NRG2: variants seen among roughly 807,000 people sequenced by gnomAD.
NRG2 encodes pro-neuregulin-2, membrane-bound isoform.
In NRG2, 27 loss-of-function variants were observed where a neutral mutation model predicts 73.9. That is an observed-to-expected ratio of 0.37 (90% CI 0.27 to 0.50). The LOEUF (loss-of-function observed/expected upper bound fraction) is 0.50. Among genes scored for constraint, NRG2 ranks in the 20% least tolerant of loss-of-function variants. The pLI is 0.96. For synonymous variants in NRG2, 532 were observed against 541.0 expected, an observed-to-expected ratio of 0.98 and a Z score of 0.23; for missense variants, 1,126 against 1,210.1, an observed-to-expected ratio of 0.93 and a Z score of 1.03.
intron 1 of NRG2, among the ~76,000 whole-genome samples, chr5:139,932,892 T>C (rs1752580054): frequency 6.6e-6 from 1 of 152,036 alleles, no homozygotes; most frequent in South Asian, 2.1e-4. Context: ...AGTATTTATT[T>C]AAAAATTTTA....
At chr5:139,967,093 G>T (rs1330987174) in intron 1 of NRG2, among the ~76,000 whole-genome samples, 1 of 152,192 alleles carries the variant, frequency 6.6e-6, no homozygotes, top group Non-Finnish European at 1.5e-5. Flanking sequence ...CACATGTGAG[G>T]AGTCTCCACA....
chr5:139,852,370 G>A lies in NRG2; in HGVS notation c.1544+62C>T. On this transcript the variant is annotated intron_variant, in intron 8 of 9. Transcript: ENST00000361474. This position sits in a 1 kb window ranked among gnomAD's most constrained non-coding sequence, Gnocchi z 4.4. Reference sequence around the variant, plus strand: ...TAGCTCTGGATGTCGGAGTAAGTGGGCACTTTGCGCCAGATGAAGTATGTG... The same window carrying A: ...TAGCTCTGGATGTCGGAGTAAGTGGACACTTTGCGCCAGATGAAGTATGTG... The A allele has an allele frequency of 6.3e-7, 1 of 1,577,268 alleles. No homozygotes were observed. The highest frequency in any genetic ancestry group is 8.6e-7 in the Non-Finnish European group (1 of 1,161,484).
chr5:140,026,871 T>C (rs1457627616), intron 1 of NRG2, among the ~76,000 whole-genome samples: 1 of 152,152 alleles, frequency 6.6e-6, no homozygotes, highest in Admixed American at 6.5e-5. Flanking sequence ...CAAGAAGATA[T>C]TGAGCTCAGT....
intron 1 of NRG2, among the ~76,000 whole-genome samples, chr5:139,923,205 G>A (rs1751809201): frequency 6.6e-6 from 1 of 152,168 alleles, no homozygotes; most frequent in South Asian, 2.1e-4. Context: ...GTGGGACAGG[G>A]AGGGTGTGGG....
intron 1 of NRG2, among the ~76,000 whole-genome samples, chr5:140,036,806 C>T (rs983499744): frequency 2.0e-5 from 3 of 152,270 alleles, no homozygotes; most frequent in East Asian, 3.9e-4. Flanking sequence ...AAAGAAAGAT[C>T]TAAGAACAAG....
chr5:139,973,829 C>A (rs1441964219), intron 1 of NRG2, among the ~76,000 whole-genome samples: 2 of 152,090 alleles, frequency 1.3e-5, no homozygotes, highest in Non-Finnish European at 2.9e-5. Flanking sequence ...CACAACGCGG[C>A]CTCACATACT....
At chr5:139,935,117 G>A (rs957688403) in intron 1 of NRG2, among the ~76,000 whole-genome samples, 18 of 152,094 alleles carry the variant, frequency 1.2e-4, no homozygotes, top group Middle Eastern at 3.2e-3. Context: ...GCAGTGAGCC[G>A]AGATCATGCC....
At chr5:139,933,050 G>A (rs535059698) in intron 1 of NRG2, among the ~76,000 whole-genome samples, 2 of 152,130 alleles carry the variant, frequency 1.3e-5, no homozygotes, top group Admixed American at 6.5e-5. Context: ...CAAGGTGGGC[G>A]GATCACTTGA....
At position 139,936,194 on chromosome 5, in the gene NRG2, T is replaced by C. The variant is rs140180123; in HGVS notation, c.701-48683A>G. On this transcript the variant is annotated intron_variant, in intron 1 of 9. Transcript: ENST00000361474. ...ATAATGAAATAAGCAAGAAAATAAA[T>C]GAAATAGAGACACAAAAATAATAGA... Among the ~76,000 whole-genome samples the C allele has an allele frequency of 4.0e-3, 598 of 151,284 alleles. 3 individuals carry two copies. Among genetic ancestry groups the C allele is most frequent in the African/African-American group, 0.014 (560 of 41,232 alleles).
intron 1 of NRG2, among the ~76,000 whole-genome samples, chr5:139,923,525 T>G (rs1226491720): frequency 6.6e-6 from 1 of 152,070 alleles, no homozygotes; most frequent in African/African-American, 2.4e-5. Flanking sequence ...CTCAGACATT[T>G]CCTCTCTCAC....
At chr5:140,037,382 A>C (rs994817182) in intron 1 of NRG2, among the ~76,000 whole-genome samples, 1 of 152,214 alleles carries the variant, frequency 6.6e-6, no homozygotes, top group African/African-American at 2.4e-5. Context: ...AAAGTATCTG[A>C]AAAATAAGTT....
chr5:140,031,293 G>A (rs1003102506), intron 1 of NRG2, among the ~76,000 whole-genome samples: 2 of 152,200 alleles, frequency 1.3e-5, no homozygotes, highest in Non-Finnish European at 2.9e-5. Flanking sequence ...CCTCAGGTAA[G>A]AGAGGGTCAG....
chr5:139,861,923 G>T (rs1263575456), intron 5 of NRG2, among the ~76,000 whole-genome samples: 1 of 152,238 alleles, frequency 6.6e-6, no homozygotes, highest in African/African-American at 2.4e-5. Flanking sequence ...TGGGTTCATA[G>T]AGCTGGTCTG....
At position 139,865,672 on chromosome 5, in the gene NRG2, C is replaced by T. The variant is rs763632918; in HGVS notation, c.1113-47G>A. 24 of 1,513,084 alleles carry T rather than the reference C, an allele frequency of 1.6e-5. No homozygotes were observed. The Admixed American group carries it at 2.3e-4, about 14-fold the overall frequency. The allele number at this position is 1,513,084 out of a possible 1,614,324, so 93.7% of individuals were successfully genotyped here. A position where few individuals can be genotyped will look rare whatever the true frequency, so the allele number is the denominator to read the frequency against. On this transcript the variant is annotated intron_variant, in intron 4 of 9. Coordinates refer to ENST00000361474, the MANE Select transcript of NRG2 (RefSeq NM_004883.3). The surrounding 1 kb of genome is among the most constrained non-coding windows in gnomAD (Gnocchi z 5.2). ...AATCACAGAACAAACTGGCATCATC[C>T]GCGAGGCTAAGGTTAGAAATCAAAG...
At chr5:140,036,432 C>T (rs1761512333) in intron 1 of NRG2, among the ~76,000 whole-genome samples, 1 of 152,146 alleles carries the variant, frequency 6.6e-6, no homozygotes, top group South Asian at 2.1e-4. Flanking sequence ...GTTCTTACAA[C>T]CTGACATGGA....
chr5:139,908,157 T>C (rs962566959), intron 1 of NRG2, among the ~76,000 whole-genome samples: 3 of 152,254 alleles, frequency 2.0e-5, no homozygotes, highest in African/African-American at 7.2e-5. Context: ...ACTAGACTGC[T>C]TGTGAGCAGG....
intron 1 of NRG2, among the ~76,000 whole-genome samples, chr5:139,939,785 G>A (rs1753249033): frequency 6.6e-6 from 1 of 151,738 alleles, no homozygotes. Context: ...AATATAAAAA[G>A]AAAAAAGTCC....
At chr5:139,926,195 T>C (rs578179638) in intron 1 of NRG2, among the ~76,000 whole-genome samples, 1 of 152,324 alleles carries the variant, frequency 6.6e-6, no homozygotes, top group South Asian at 2.1e-4. Context: ...CAAGAGGTGA[T>C]GTGTCATGCC....
rs182375704 is a variant in NRG2 at position 140,031,318 on chromosome 5, C to A, written c.700+11052G>T. ...GAGAGGGTCAGAAGTAAAACCCATA[C>A]AAACAGACTGTGAAAAAGAAACCAA... On this transcript the variant is annotated intron_variant, in intron 1 of 9. Transcript: ENST00000361474. Among the ~76,000 whole-genome samples, 12 of 152,216 alleles carry A rather than the reference C, an allele frequency of 7.9e-5. No individual in the cohort carries two copies. In the East Asian group the frequency reaches 2.3e-3, roughly 29 times the overall value.
Sources: gnomAD v4.1 joint callset for allele counts (sites outside exome capture counted in the v4.1 genomes callset) on GRCh38, gnomAD v4.1.1 for gene constraint, Gnocchi (gnomAD v3.1) non-coding constraint, MANE v1.5 for transcripts, NCBI Gene and HGNC (gene_info 2026-07-23, HGNC 2026-07-21) for gene names.